Variants in PCDHA1 observed in about 807,000 individuals in gnomAD.
The protein encoded by PCDHA1 is protocadherin alpha-1.
A neutral mutation model predicts 61.3 loss-of-function variants in PCDHA1; 42 were observed. The observed-to-expected ratio is 0.69, with a 90% CI of 0.54 to 0.89. PCDHA1 has a LOEUF of 0.89. Ranked by LOEUF, PCDHA1 falls within the 40% of genes least tolerant of loss-of-function variation. The probability of loss-of-function intolerance (pLI) is 0.00; values close to 1 mark genes in which losing one functional copy is unlikely to be tolerated. For synonymous variants in PCDHA1, 610 were observed against 553.8 expected, an observed-to-expected ratio of 1.10 and a Z score of -1.43; for missense variants, 1,256 against 1,235.3, an observed-to-expected ratio of 1.02 and a Z score of -0.25.
At chr5:140,969,948 G>A (rs1206322511) in intron 1 of PCDHA1, among the ~76,000 whole-genome samples, 3 of 152,198 alleles carry the variant, frequency 2.0e-5, no homozygotes, top group African/African-American at 7.2e-5. Context: ...TGAAGCTAAA[G>A]TTTGCTTTGG....
chr5:140,922,652 T>C (rs371970165), intron 1 of PCDHA1, among the ~76,000 whole-genome samples: 4 of 152,156 alleles, frequency 2.6e-5, no homozygotes, highest in African/African-American at 9.7e-5. Context: ...ACAGTAAATA[T>C]GGCTATACTG....
At chr5:140,790,886 T>C (rs576384073) in intron 1 of PCDHA1, among the ~76,000 whole-genome samples, 1 of 152,224 alleles carries the variant, frequency 6.6e-6, no homozygotes, top group East Asian at 1.9e-4. Flanking sequence ...TGAAAAGTAA[T>C]TTTTATGAAA....
chr5:140,905,493 T>C (rs185992010), intron 1 of PCDHA1, among the ~76,000 whole-genome samples: 10 of 152,288 alleles, frequency 6.6e-5, no homozygotes, highest in Non-Finnish European at 1.5e-4. Context: ...CTTCTTTTTG[T>C]TTTGTATTGC....
chr5:141,002,923 C>T (rs1261794185), intron 3 of PCDHA1, among the ~76,000 whole-genome samples: 6 of 152,220 alleles, frequency 3.9e-5, no homozygotes, highest in African/African-American at 1.2e-4. Flanking sequence ...AAAGTGAACA[C>T]CCTCCAACAC....
chr5:140,904,139 A>C (rs557435150), intron 1 of PCDHA1, among the ~76,000 whole-genome samples: 10 of 152,286 alleles, frequency 6.6e-5, no homozygotes, highest in African/African-American at 2.2e-4. Flanking sequence ...TCACCCGAGC[A>C]GTATACATTG....
At position 140,884,423 on chromosome 5, in the gene PCDHA1, A is replaced by G. The variant is rs2060160830; in HGVS notation, c.2395-94526A>G. The G allele has an allele frequency of 1.2e-6, 2 of 1,613,932 alleles. No individual in the cohort carries two copies. Among genetic ancestry groups the G allele is most frequent in the African/African-American group, 1.3e-5 (1 of 75,050 alleles). On this transcript the variant is annotated intron_variant, in intron 1 of 3. Coordinates refer to ENST00000504120, the MANE Select transcript of PCDHA1 (RefSeq NM_018900.4). ...GTTGGTGCTCACGTTGCTGCTGTAT[A>G]CTGCGCTGCGGTGCTCGGCACCGCC...
chr5:140,816,229 A>G (rs1765869006), intron 1 of PCDHA1: 1 of 152,116 alleles, frequency 6.6e-6, no homozygotes, highest in Non-Finnish European at 1.5e-5. Flanking sequence ...TGTCTGGATA[A>G]TTTCAAATGA....
At position 140,823,260 on chromosome 5, in the gene PCDHA1, G is replaced by A. The variant is rs2150124011; in HGVS notation, c.2394+34576G>A. On this transcript the variant is annotated intron_variant, in intron 1 of 3. Transcript: ENST00000504120. ...CCCTGGTGTCCTACTCGCTGGTGGA[G>A]CGGCGGGTGGGCGAGCGCCCGCTGT... is the stretch of plus-strand genomic sequence containing the variant. 59 of 1,613,054 alleles carry A rather than the reference G, an allele frequency of 3.7e-5. No individual in the cohort carries two copies. In the Admixed American group the frequency reaches 7.5e-4, roughly 20 times the overall value.
chr5:140,927,277 G>T, intron 1 of PCDHA1: 1 of 1,614,016 alleles, frequency 6.2e-7, no homozygotes, highest in Non-Finnish European at 8.5e-7. Context: ...TGCCGGCGAC[G>T]TGCAGCTGCA....
chr5:140,830,452 GA>G (rs2150186813), intron 1 of PCDHA1: 1 of 1,597,194 alleles, frequency 6.3e-7, no homozygotes, highest in Non-Finnish European at 8.5e-7. Flanking sequence ...GTAAGGCGGA[GA>G]ATCAGGATTT....
chr5:140,950,995 C>G (rs1554219713), intron 1 of PCDHA1, among the ~76,000 whole-genome samples: 1 of 151,856 alleles, frequency 6.6e-6, no homozygotes, highest in Non-Finnish European at 1.5e-5. Flanking sequence ...TCTTTTAGCT[C>G]CATTTTTCCC....
At chr5:140,922,107 T>C (rs1250364037) in intron 1 of PCDHA1, among the ~76,000 whole-genome samples, 1 of 152,028 alleles carries the variant, frequency 6.6e-6, no homozygotes, top group East Asian at 1.9e-4. Context: ...TATAGATAAA[T>C]GAAAATTCAC....
In PCDHA1 at chr5:140,796,473, G is replaced by T. The variant is rs527553477; in HGVS notation, c.2394+7789G>T. 1.9e-6 allele frequency: 3 copies of T among 1,612,230 alleles called. No homozygotes were observed. The East Asian group carries it at 6.7e-5, about 36-fold the overall frequency. ...TGGAGCGGCGGGTGGGCGAGCGCGC[G>T]TTGTCGAGCTACGTTTCGGTGCACG... On this transcript the variant is annotated intron_variant, in intron 1 of 3. Transcript: ENST00000504120.
At chr5:140,817,691 T>C (rs114557138) in intron 1 of PCDHA1, 1 of 152,354 alleles carries the variant, frequency 6.6e-6, no homozygotes, top group Non-Finnish European at 1.5e-5. Flanking sequence ...AGACACACAG[T>C]ACATTATTAT....
intron 1 of PCDHA1, chr5:140,801,780 G>A (rs782302106): frequency 9.9e-6 from 16 of 1,613,718 alleles, no homozygotes; most frequent in Non-Finnish European, 1.3e-5. Context: ...CCTTGGACTC[G>A]TGTTGAAAAA....
chr5:140,841,710 C>A (rs2150321322), intron 1 of PCDHA1: 2 of 1,613,738 alleles, frequency 1.2e-6, no homozygotes, highest in African/African-American at 2.7e-5. Flanking sequence ...AATGACAACC[C>A]GCCAGTGTTC....
intron 1 of PCDHA1, chr5:140,813,375 T>C (rs1765280179): frequency 1.3e-5 from 2 of 152,238 alleles, no homozygotes. Context: ...AGACCTAGGT[T>C]ACATGATCTA....
intron 1 of PCDHA1, among the ~76,000 whole-genome samples, chr5:140,895,314 G>A (rs2064960648): frequency 6.6e-6 from 1 of 151,858 alleles, no homozygotes; most frequent in Non-Finnish European, 1.5e-5. Context: ...TTCCACCCAT[G>A]ACTATTGTTC....
At chr5:140,970,384 C>T (rs2096401322) in intron 1 of PCDHA1, among the ~76,000 whole-genome samples, 1 of 152,104 alleles carries the variant, frequency 6.6e-6, no homozygotes, top group Admixed American at 6.5e-5. Flanking sequence ...AAAAGGCTGG[C>T]TTGGAAAGTG....
Sources: allele counts gnomAD v4.1 joint callset (sites outside exome capture counted in the v4.1 genomes callset), GRCh38; gene constraint gnomAD v4.1.1; transcripts MANE v1.5; gene names NCBI Gene and HGNC (gene_info 2026-07-23, HGNC 2026-07-21).